The following SCUBE1 variants were observed in gnomAD, a reference collection of about 807,000 sequenced individuals.
SCUBE1 encodes signal peptide, CUB domain and EGF like domain containing 1.
SCUBE1 carries 59 observed loss-of-function variants against 124.4 expected under a neutral mutation model. The observed-to-expected ratio is 0.47, with a 90% CI of 0.38 to 0.59. The LOEUF is 0.59. Among genes scored for constraint, SCUBE1 ranks in the 20% least tolerant of loss-of-function variants. The pLI is 0.00. For synonymous variants in SCUBE1, 545 were observed against 550.9 expected, an observed-to-expected ratio of 0.99 and a Z score of 0.15; for missense variants, 1,150 against 1,371.2, an observed-to-expected ratio of 0.84 and a Z score of 2.55.
At position 43,208,184 on chromosome 22, in the gene SCUBE1, G is replaced by C. The variant is rs777071723; in HGVS notation, c.2622C>G (p.Thr874=). The stretch of plus-strand genomic sequence containing the variant: ...AGGTGAAGGCGATGGGCCTCTCGTA[G>C]GTCTGGCAGGTCTCATAGGTGGTGA... The part of the protein sequence containing the change: ...TSITTYETCQ[T]YERPIAFTSR... Residue 874 remains threonine, a synonymous_variant, in exon 20 of 22, where the codon ACC becomes ACG. Transcript: ENST00000360835. 7.4e-6 allele frequency: 12 copies of C among 1,614,072 alleles called. No homozygotes were observed. The South Asian group carries it at 1.3e-4, about 18-fold the overall frequency.
At chr22:43,242,246 C>T (rs11704275) in intron 6 of SCUBE1, among the ~76,000 whole-genome samples, 13,185 of 152,242 alleles carry the variant, frequency 0.087, 607 homozygotes, top group Non-Finnish European at 0.11. Flanking sequence ...GAGGCCCCTG[C>T]CTTCCATGAC....
chr22:43,330,697 G>A (rs1418675638), intron 2 of SCUBE1, among the ~76,000 whole-genome samples: 1 of 152,224 alleles, frequency 6.6e-6, no homozygotes, highest in Non-Finnish European at 1.5e-5. Flanking sequence ...AGTAGCATGA[G>A]CTTTTTATTT....
chr22:43,318,562 G>A (rs756404887), intron 3 of SCUBE1, among the ~76,000 whole-genome samples: 9 of 152,040 alleles, frequency 5.9e-5, no homozygotes, highest in Non-Finnish European at 1.0e-4. Context: ...AACAGCAAAG[G>A]GCAAATGCAT....
At chr22:43,205,310 C>T (rs561947913) in intron 21 of SCUBE1, among the ~76,000 whole-genome samples, 62 of 152,074 alleles carry the variant, frequency 4.1e-4, no homozygotes, top group Non-Finnish European at 5.9e-4. Flanking sequence ...GATGCAGTCC[C>T]CGCCCTCTCT....
chr22:43,212,839 C>G (rs534953507), intron 16 of SCUBE1: 5 of 551,734 alleles, frequency 9.1e-6, no homozygotes, highest in South Asian at 6.8e-5. Context: ...CTCCCACCAG[C>G]AAGAAGGCCT....
intron 3 of SCUBE1, among the ~76,000 whole-genome samples, chr22:43,300,935 G>A (rs751597789): frequency 3.9e-5 from 6 of 152,166 alleles, no homozygotes; most frequent in Non-Finnish European, 8.8e-5. Context: ...TCCTGCGGGC[G>A]TGACAGACTT....
chr22:43,239,992 T>C (rs896584141), intron 6 of SCUBE1, among the ~76,000 whole-genome samples: 6 of 152,128 alleles, frequency 3.9e-5, no homozygotes, highest in African/African-American at 1.4e-4. Context: ...AATGAATACA[T>C]ACCCTCAGCT....
rs1926490657 is a variant in SCUBE1, at chr22:43,320,036, T to C, written c.250A>G (p.Asn84Asp). Residue 84 changes from asparagine to aspartate, a missense_variant, in exon 3 of 22, where the codon AAT becomes GAT. Asn to Asp is a conservative substitution (Grantham distance 23). Transcript: ENST00000360835. ...DIDECENDYYNGGCVHECINI... is the reference protein window; with the variant it reads ...DIDECENDYYDGGCVHECINI... ...ATGCACTCGTGGACACAGCCCCCATTGTAGTAGTCATTCTCACACTCGTCA... is the reference window on the plus strand; with the variant it reads ...ATGCACTCGTGGACACAGCCCCCATCGTAGTAGTCATTCTCACACTCGTCA... 6.2e-7 allele frequency: 1 copy of C among 1,613,902 alleles called. No homozygotes were observed. Among genetic ancestry groups the C allele is most frequent in the African/African-American group, 1.3e-5 (1 of 74,886 alleles).
chr22:43,258,229 G>A lies in SCUBE1; in HGVS notation c.717C>T (p.Arg239=), dbSNP rs142491539. ...HQKYALHSDG[R]TCIETCAVNN... is the part of the protein sequence containing the mutation. Reference sequence around the variant, plus strand: ...GAGGTGCCTACTTACCGATGCACGTGCGACCGTCTGAGTGGAGGGCGTACT... The same window carrying A: ...GAGGTGCCTACTTACCGATGCACGTACGACCGTCTGAGTGGAGGGCGTACT... Residue 239 remains arginine (R), a synonymous_variant, in exon 6 of 22, where the codon CGC becomes CGT. Coordinates refer to ENST00000360835, the MANE Select transcript of SCUBE1 (RefSeq NM_173050.5). This position sits in a 1 kb window ranked among gnomAD's most constrained non-coding sequence, Gnocchi z 5.0. The A allele has an allele frequency of 6.2e-7, 1 of 1,612,630 alleles. No individual in the cohort carries two copies.
chr22:43,215,647 G>C (rs1921776459), intron 15 of SCUBE1, among the ~76,000 whole-genome samples: 2 of 152,184 alleles, frequency 1.3e-5, no homozygotes, highest in African/African-American at 4.8e-5. Context: ...CCTGAGTCAG[G>C]TCCCCAGGAA....
At chr22:43,222,527 G>A (rs990349958) in intron 12 of SCUBE1, 111 bp downstream of exon 12, 7 of 826,232 alleles carry the variant, frequency 8.5e-6, no homozygotes, top group South Asian at 6.6e-5. Flanking sequence ...GAGCAGGGCC[G>A]AGAGCAGGAA....
At chr22:43,336,957 C>CTGTGTG (rs34868094) in intron 2 of SCUBE1, among the ~76,000 whole-genome samples, 6 of 150,410 alleles carry the variant, frequency 4.0e-5, no homozygotes, top group African/African-American at 1.5e-4. Flanking sequence ...GTGTGTATGT[C>CTGTGTG]TGTGTGTGTG....
Position 43,210,988 on chromosome 22 carries a change from A to G in SCUBE1, c.2317T>C (p.Cys773Arg). 1 of 1,614,076 alleles carries G rather than the reference A, an allele frequency of 6.2e-7. No individual in the cohort carries two copies. Among genetic ancestry groups the G allele is most frequent in the South Asian group, 1.1e-5 (1 of 91,082 alleles). Residue 773 changes from cysteine (C) to arginine (R), a missense_variant, in exon 18 of 22, where the codon TGC (cysteine) becomes CGC (arginine). Physicochemically the swap from Cys to Arg is radical, Grantham distance 180 (BLOSUM62 -3). Coordinates refer to ENST00000360835, the MANE Select transcript of SCUBE1 (RefSeq NM_173050.5). This position sits in a 1 kb window ranked among gnomAD's most constrained non-coding sequence, Gnocchi z 4.5. ...TYQPEFGQNH[C>R]ITCPGNTSTD... is the part of the protein sequence containing the mutation. Reference sequence around the variant, plus strand: ...CTGGTGTTGCCCGGACAGGTGATGCAGTGGTTCTGGCCAAACTCGGGCTGG... The same window carrying G: ...CTGGTGTTGCCCGGACAGGTGATGCGGTGGTTCTGGCCAAACTCGGGCTGG...
At chr22:43,266,845 C>T (rs1195672650) in intron 4 of SCUBE1, among the ~76,000 whole-genome samples, 1 of 152,214 alleles carries the variant, frequency 6.6e-6, no homozygotes, top group Non-Finnish European at 1.5e-5. Context: ...TCCCCTGAAG[C>T]TCTCGGAGCA....
chr22:43,289,153 G>C (rs9623805), intron 4 of SCUBE1, among the ~76,000 whole-genome samples: 95,626 of 152,184 alleles, frequency 0.63, 31,994 homozygotes, highest in Middle Eastern at 0.79. Flanking sequence ...CCCTGGCCTG[G>C]GACTTTACAG....
intron 10 of SCUBE1, among the ~76,000 whole-genome samples, chr22:43,226,948 C>T (rs1435661281): frequency 6.6e-6 from 1 of 152,144 alleles, no homozygotes; most frequent in Non-Finnish European, 1.5e-5. Context: ...GCTGCTGCAC[C>T]CCGAGTGACC....
chr22:43,291,471 CTACAGTGG>C (rs71186577), intron 3 of SCUBE1, among the ~76,000 whole-genome samples: 7 of 150,214 alleles, frequency 4.7e-5, no homozygotes, highest in Admixed American at 6.6e-5. Context: ...TCGCGCTGTG[CTACAGTGG>C]TACAGTGGTA....
At position 43,303,396 on chromosome 22, in the gene SCUBE1, T is replaced by G. The variant is rs193177171; in HGVS notation, c.350-12216A>C. 4.5e-4 allele frequency among the ~76,000 whole-genome samples: 68 copies of G among 152,354 alleles called. No individual in the cohort carries two copies. The East Asian group carries it at 0.012, about 28-fold the overall frequency. On this transcript the variant is annotated intron_variant, in intron 3 of 21. Transcript: ENST00000360835. ...TGGCTCCCCAGCTGGGCCTGCCACATGTGGGCTTGTTCCTTCCTGCACTCA... is the reference window on the plus strand; with the variant it reads ...TGGCTCCCCAGCTGGGCCTGCCACAGGTGGGCTTGTTCCTTCCTGCACTCA...
chr22:43,308,396 G>C (rs1452798047), intron 3 of SCUBE1, among the ~76,000 whole-genome samples: 1 of 152,234 alleles, frequency 6.6e-6, no homozygotes, highest in Non-Finnish European at 1.5e-5. Context: ...GTTTACTTTA[G>C]AAAATATTGG....
Sources: allele counts gnomAD v4.1 joint callset (sites outside exome capture counted in the v4.1 genomes callset), GRCh38; gene constraint gnomAD v4.1.1; non-coding constraint Gnocchi (gnomAD v3.1); transcripts MANE v1.5; gene names NCBI Gene and HGNC (gene_info 2026-07-23, HGNC 2026-07-21).